The following FLT1 variants were observed in gnomAD, a reference collection of about 807,000 sequenced individuals.
FLT1 encodes fms related receptor tyrosine kinase 1.
FLT1 carries 49 observed loss-of-function variants against 156.3 expected under a neutral mutation model. The ratio of observed to expected loss-of-function variants is 0.31; its 90% CI spans 0.25 to 0.40. The LOEUF is 0.40. FLT1 is among the 10% of genes least tolerant of loss of function. FLT1 has a pLI of 1.00. For synonymous variants in FLT1, 594 were observed against 583.8 expected, an observed-to-expected ratio of 1.02 and a Z score of -0.25; for missense variants, 1,322 against 1,637.2, an observed-to-expected ratio of 0.81 and a Z score of 3.32.
chr13:28,363,156 G>A (rs1329733175), intron 14 of FLT1, among the ~76,000 whole-genome samples: 3 of 152,024 alleles, frequency 2.0e-5, no homozygotes, highest in Admixed American at 6.6e-5. Context: ...GACCCAAATC[G>A]TAGGATACAG....
At chr13:28,413,985 C>T (rs1286288831) in intron 10 of FLT1, among the ~76,000 whole-genome samples, 3 of 152,158 alleles carry the variant, frequency 2.0e-5, no homozygotes, top group Non-Finnish European at 4.4e-5. Context: ...TTTCTTGTAT[C>T]ATTCTAAAAT....
At chr13:28,371,367 G>A (rs538406114) in intron 14 of FLT1, among the ~76,000 whole-genome samples, 23 of 152,228 alleles carry the variant, frequency 1.5e-4, no homozygotes, top group African/African-American at 5.5e-4. Flanking sequence ...GTTTTAAATT[G>A]TACACCATTC....
chr13:28,413,230 G>A (rs1161161427), intron 10 of FLT1, among the ~76,000 whole-genome samples: 1 of 152,096 alleles, frequency 6.6e-6, no homozygotes, highest in African/African-American at 2.4e-5. Flanking sequence ...GAGCGTCTTG[G>A]CTCATGCTGC....
intron 14 of FLT1, chr13:28,368,648 G>A (rs755556693): frequency 1.3e-5 from 14 of 1,080,920 alleles, no homozygotes; most frequent in East Asian, 7.8e-5. Flanking sequence ...CGATGGTGAC[G>A]TTGATGTATA....
intron 1 of FLT1, among the ~76,000 whole-genome samples, chr13:28,482,207 A>G (rs1038397791): frequency 1.3e-5 from 2 of 152,062 alleles, no homozygotes; most frequent in African/African-American, 4.8e-5. Context: ...TAATCCCAAC[A>G]CTCTGGGAGG....
At chr13:28,453,042 CTTTCCTTTCCTTTCCTTTCCTTT>C (rs1879054860) in intron 3 of FLT1, among the ~76,000 whole-genome samples, 1 of 1,122 alleles carries the variant, frequency 8.9e-4, no homozygotes. Flanking sequence ...CTTTCCTTTC[CTTTCCTTTCCTTTCCTTTCCTTT>C]CCTTTCCTTT....
intron 18 of FLT1, among the ~76,000 whole-genome samples, chr13:28,331,533 C>T (rs112178089): frequency 0.025 from 3,837 of 152,294 alleles, 81 homozygotes; most frequent in Middle Eastern, 0.058. Context: ...TGGGTTCAAG[C>T]GATTCTCCTG....
intron 14 of FLT1, among the ~76,000 whole-genome samples, chr13:28,364,590 T>C (rs977934955): frequency 6.6e-6 from 1 of 152,212 alleles, no homozygotes; most frequent in African/African-American, 2.4e-5. Flanking sequence ...AGATTTTCTT[T>C]TGGGGAGGGG....
Position 28,368,777 on chromosome 13 carries a change from G to A in FLT1, c.2117-11092C>T, listed in dbSNP as rs541949940. The A allele has an allele frequency of 8.9e-5, 53 of 598,648 alleles. No homozygotes were observed. The Middle Eastern group carries it at 9.8e-4, about 11-fold the overall frequency. The allele number at this position is 598,648 out of a possible 1,614,324, so 37.1% of individuals were successfully genotyped here. On this transcript the variant is annotated intron_variant, in intron 14 of 29. Coordinates refer to ENST00000282397, the MANE Select transcript of FLT1 (RefSeq NM_002019.4). ...TGGAGTGCAATGGTGCAATCTCTGC[G>A]CACTGCAATCTCCACCTTCCGGGTT...
chr13:28,380,415 C>T (rs1856194585), intron 14 of FLT1, among the ~76,000 whole-genome samples: 1 of 152,108 alleles, frequency 6.6e-6, no homozygotes, highest in African/African-American at 2.4e-5. Flanking sequence ...TGGAACTTTA[C>T]AGAAACTATA....
chr13:28,354,309 T>G (rs949410536), intron 15 of FLT1, among the ~76,000 whole-genome samples: 3 of 152,232 alleles, frequency 2.0e-5, no homozygotes, highest in Non-Finnish European at 4.4e-5. Context: ...GTCCACATAC[T>G]ATTAACATTC....
At chr13:28,315,577 C>CAACTA (rs891975656) in intron 25 of FLT1, among the ~76,000 whole-genome samples, 3 of 151,960 alleles carry the variant, frequency 2.0e-5, no homozygotes, top group Admixed American at 2.0e-4. Flanking sequence ...CAAAAAAACC[C>CAACTA]AACTAAACTA....
Position 28,322,455 on chromosome 13 carries a change from CCAA to C in FLT1, c.2954-99_2954-97del. On this transcript the variant is annotated intron_variant, in intron 21 of 29. Coordinates refer to ENST00000282397, the MANE Select transcript of FLT1 (RefSeq NM_002019.4). The surrounding 1 kb of genome is among the most constrained non-coding windows in gnomAD (Gnocchi z 4.3). ...CAATGTTAGCAAAACATAAAACAAA[CCAA>C]CAAGTAGATCAGAGTTCATTTTTAA... 1 of 851,072 alleles carries C rather than the reference CCAA, an allele frequency of 1.2e-6. No individual in the cohort carries two copies. Among genetic ancestry groups the C allele is most frequent in the Non-Finnish European group, 2.0e-6 (1 of 504,176 alleles). 52.7% of individuals were successfully genotyped at this position (851,072 alleles called of 1,614,324 possible).
intron 14 of FLT1, among the ~76,000 whole-genome samples, chr13:28,383,564 G>A (rs575487219): frequency 6.6e-6 from 1 of 152,256 alleles, no homozygotes; most frequent in Non-Finnish European, 1.5e-5. Flanking sequence ...TCGGGAGGCT[G>A]AGTCAGGAGA....
At chr13:28,399,137 C>T (rs774212411) in intron 11 of FLT1, 29 of 1,514,438 alleles carry the variant, frequency 1.9e-5, no homozygotes, top group Admixed American at 1.8e-4. Flanking sequence ...CAGGAGAGAT[C>T]GTCAAATACG....
Position 28,322,397 on chromosome 13 carries a change from C to T in FLT1, c.2954-38G>A, listed in dbSNP as rs372766177. ...AGAACCGTAACTGTTTGTAATGGCTCTTGTTATCCCACCAAATCCCAGTTT... is the reference window on the plus strand; with the variant it reads ...AGAACCGTAACTGTTTGTAATGGCTTTTGTTATCCCACCAAATCCCAGTTT... On this transcript the variant is annotated intron_variant, in intron 21 of 29. Coordinates refer to ENST00000282397, the MANE Select transcript of FLT1 (RefSeq NM_002019.4). The surrounding 1 kb of genome is among the most constrained non-coding windows in gnomAD (Gnocchi z 4.3). 7.8e-7 allele frequency: 1 copy of T among 1,289,334 alleles called. No individual in the cohort carries two copies. The highest frequency in any genetic ancestry group is 1.1e-6 in the Non-Finnish European group (1 of 884,334). 79.9% of individuals were successfully genotyped at this position (1,289,334 alleles called of 1,614,324 possible).
intron 14 of FLT1, among the ~76,000 whole-genome samples, chr13:28,366,155 C>T (rs1873282310): frequency 6.6e-6 from 1 of 151,972 alleles, no homozygotes; most frequent in Non-Finnish European, 1.5e-5. Context: ...TGTTGGCAAC[C>T]AGATCAACTT....
chr13:28,433,015 A>G (rs1193961888), intron 6 of FLT1, among the ~76,000 whole-genome samples: 1 of 152,192 alleles, frequency 6.6e-6, no homozygotes, highest in African/African-American at 2.4e-5. Context: ...TCGATGAAAA[A>G]CAACACTAGC....
intron 12 of FLT1, chr13:28,396,754 T>C: frequency 1.5e-6 from 1 of 674,860 alleles, no homozygotes; most frequent in Non-Finnish European, 2.7e-6. Context: ...CAAATAACTC[T>C]AAAAGAGAAT....
Sources: gnomAD v4.1 joint callset for allele counts (sites outside exome capture counted in the v4.1 genomes callset) on GRCh38, gnomAD v4.1.1 for gene constraint, Gnocchi (gnomAD v3.1) non-coding constraint, MANE v1.5 for transcripts, NCBI Gene and HGNC (gene_info 2026-07-23, HGNC 2026-07-21) for gene names.